STXBP5L: variants seen among roughly 807,000 people sequenced by gnomAD.
STXBP5L encodes the protein syntaxin binding protein 5L.
Under a neutral mutation model 144.5 loss-of-function variants are expected in STXBP5L, and 65 were observed. That is an observed-to-expected ratio of 0.45 (90% CI 0.37 to 0.55). The LOEUF is 0.55. Among genes scored for constraint, STXBP5L ranks in the 20% least tolerant of loss-of-function variants. The probability of loss-of-function intolerance (pLI) is 0.00; values close to 1 mark genes in which losing one functional copy is unlikely to be tolerated. For synonymous variants in STXBP5L, 505 were observed against 469.6 expected (o/e 1.08, Z -0.97); for missense variants, 1,298 against 1,405.5 (o/e 0.92, Z 1.22).
At chr3:121,060,747 A>G (rs1039156819) in intron 5 of STXBP5L, among the ~76,000 whole-genome samples, 1 of 152,126 alleles carries the variant, frequency 6.6e-6, no homozygotes, top group East Asian at 1.9e-4. Context: ...CAGATTTTCT[A>G]GTTTATTTCC....
At chr3:121,175,450 A>T (rs1177415648) in intron 9 of STXBP5L, among the ~76,000 whole-genome samples, 1 of 152,182 alleles carries the variant, frequency 6.6e-6, no homozygotes, top group Non-Finnish European at 1.5e-5. Context: ...ACATAAATTT[A>T]TGAGGCATAT....
intron 3 of STXBP5L, among the ~76,000 whole-genome samples, chr3:120,967,559 T>G (rs920871017): frequency 1.3e-5 from 2 of 152,204 alleles, no homozygotes; most frequent in Non-Finnish European, 1.5e-5. Flanking sequence ...CAAAACATCA[T>G]TTTTATTTTG....
At chr3:120,998,577 C>T (rs1576614943) in intron 3 of STXBP5L, among the ~76,000 whole-genome samples, 1 of 152,120 alleles carries the variant, frequency 6.6e-6, no homozygotes, top group African/African-American at 2.4e-5. Flanking sequence ...ATTCCCCTGC[C>T]TGTGTCCATG....
chr3:121,182,011 C>G (rs1405402109), intron 9 of STXBP5L, among the ~76,000 whole-genome samples: 2 of 150,948 alleles, frequency 1.3e-5, no homozygotes, highest in African/African-American at 2.4e-5. Context: ...ACTGGTGCTC[C>G]AAAATTTATG....
intron 3 of STXBP5L, among the ~76,000 whole-genome samples, chr3:121,039,078 T>A (rs1392824750): frequency 1.3e-5 from 2 of 151,966 alleles, no homozygotes; most frequent in Non-Finnish European, 2.9e-5. Flanking sequence ...TTAAATGGGG[T>A]GTTTACACTG....
At chr3:121,151,068 C>A (rs746862402) in intron 7 of STXBP5L, among the ~76,000 whole-genome samples, 12 of 151,262 alleles carry the variant, frequency 7.9e-5, no homozygotes, top group Non-Finnish European at 1.6e-4. Context: ...CCCTGGGTGG[C>A]AGAGTAAGAC....
At chr3:121,136,198 G>A (rs1236724896) in intron 7 of STXBP5L, among the ~76,000 whole-genome samples, 1 of 152,198 alleles carries the variant, frequency 6.6e-6, no homozygotes, top group Non-Finnish European at 1.5e-5. Flanking sequence ...ACAGCACAGA[G>A]AGAAAAATCA....
intron 25 of STXBP5L, among the ~76,000 whole-genome samples, chr3:121,417,114 G>A (rs1361993255): frequency 6.6e-6 from 1 of 152,166 alleles, no homozygotes; most frequent in Non-Finnish European, 1.5e-5. Flanking sequence ...GGTCTAGAAT[G>A]GGCAAATTCA....
chr3:121,062,035 A>G (rs987688592), intron 5 of STXBP5L, among the ~76,000 whole-genome samples: 2 of 152,108 alleles, frequency 1.3e-5, no homozygotes, highest in African/African-American at 4.8e-5. Flanking sequence ...TTTTCCTGTT[A>G]GTTGATGTAG....
chr3:121,339,321 T>C (rs1287924916), intron 20 of STXBP5L, among the ~76,000 whole-genome samples: 1 of 152,090 alleles, frequency 6.6e-6, no homozygotes, highest in Admixed American at 6.6e-5. Flanking sequence ...ACAAAAACCA[T>C]ATGATTATCT....
intron 5 of STXBP5L, among the ~76,000 whole-genome samples, chr3:121,098,754 A>G (rs1196320850): frequency 6.6e-6 from 1 of 152,194 alleles, no homozygotes; most frequent in East Asian, 1.9e-4. Flanking sequence ...TGATGTGGCC[A>G]GGTTCAAAAG....
At chr3:121,338,446 C>G (rs932638721) in intron 20 of STXBP5L, among the ~76,000 whole-genome samples, 4 of 151,426 alleles carry the variant, frequency 2.6e-5, no homozygotes, top group Admixed American at 2.6e-4. Context: ...GAGTTTGAGA[C>G]CAGCCTAGCC....
intron 9 of STXBP5L, among the ~76,000 whole-genome samples, chr3:121,180,375 C>T (rs1577131429): frequency 1.3e-5 from 2 of 152,216 alleles, no homozygotes; most frequent in African/African-American, 4.8e-5. Flanking sequence ...AAGTCTTTTT[C>T]AAACAAATGC....
At position 121,251,939 on chromosome 3, in the gene STXBP5L, C is replaced by T. The variant is rs1424586637; in HGVS notation, c.1441+1176C>T. ...AAAGCAACTGCCTAAAGAGAAACTC[C>T]AAAGGACAACAGACTTTCTGTTGAT... On this transcript the variant is annotated intron_variant, in intron 15 of 26. Transcript: ENST00000471454. Among the ~76,000 whole-genome samples, 4 of 152,156 alleles carry T rather than the reference C, an allele frequency of 2.6e-5. No homozygotes were observed. The East Asian group carries it at 7.7e-4, about 29-fold the overall frequency.
chr3:121,279,984 A>G (rs1017094599), intron 19 of STXBP5L, 28 bp downstream of exon 19: 1 of 1,606,018 alleles, frequency 6.2e-7, no homozygotes, highest in Non-Finnish European at 8.5e-7. Flanking sequence ...ATGAGTTATG[A>G]ACTTGATTTG....
intron 20 of STXBP5L, among the ~76,000 whole-genome samples, chr3:121,323,442 A>G (rs2044043138): frequency 6.6e-6 from 1 of 152,202 alleles, no homozygotes; most frequent in African/African-American, 2.4e-5. Flanking sequence ...TACAGATAAA[A>G]TAGAGTGAGG....
chr3:121,151,049 T>C (rs1180254181), intron 7 of STXBP5L, among the ~76,000 whole-genome samples: 1 of 151,936 alleles, frequency 6.6e-6, no homozygotes, highest in East Asian at 1.9e-4. Flanking sequence ...ATTGTGCCAC[T>C]GCACTCCACC....
At chr3:121,078,266 G>T (rs960335327) in intron 5 of STXBP5L, among the ~76,000 whole-genome samples, 6 of 147,962 alleles carry the variant, frequency 4.1e-5, no homozygotes, top group African/African-American at 1.0e-4. Flanking sequence ...AGACATAAAG[G>T]TTCTCCAAGT....
chr3:121,224,691 T>C (rs528350571), intron 11 of STXBP5L, among the ~76,000 whole-genome samples: 194 of 152,270 alleles, frequency 1.3e-3, no homozygotes, highest in African/African-American at 4.1e-3. Flanking sequence ...GAGAGAAAGG[T>C]AAGTCTGATT....
Sources: gnomAD v4.1 joint callset for allele counts (sites outside exome capture counted in the v4.1 genomes callset) on GRCh38, gnomAD v4.1.1 for gene constraint, MANE v1.5 for transcripts, NCBI Gene and HGNC (gene_info 2026-07-23, HGNC 2026-07-21) for gene names.